Variants in FBXL3 observed in about 807,000 individuals in gnomAD.
The protein encoded by FBXL3 is F-box and leucine rich repeat protein 3.
In FBXL3, 14 loss-of-function variants were observed where a neutral mutation model predicts 37.9. The ratio of observed to expected loss-of-function variants is 0.37; its 90% CI spans 0.24 to 0.58. The LOEUF is 0.58. Among genes scored for constraint, FBXL3 ranks in the 20% least tolerant of loss-of-function variants. The probability of loss-of-function intolerance (pLI) is 0.74; values close to 1 mark genes in which losing one functional copy is unlikely to be tolerated. For synonymous variants in FBXL3, 194 were observed against 180.1 expected (o/e 1.08, Z -0.62); for missense variants, 327 against 511.1 (o/e 0.64, Z 3.47).
chr13:77,008,368 G>A (rs1009140467), intron 4 of FBXL3, among the ~76,000 whole-genome samples: 6 of 152,180 alleles, frequency 3.9e-5, no homozygotes, highest in African/African-American at 1.4e-4. Flanking sequence ...CACTAAGTAT[G>A]TCAAAAATAA....
At chr13:77,025,519 T>C (rs2034820811) in intron 1 of FBXL3, among the ~76,000 whole-genome samples, 1 of 152,012 alleles carries the variant, frequency 6.6e-6, no homozygotes, top group Non-Finnish European at 1.5e-5. Flanking sequence ...GCTCAGTAGT[T>C]TGAGACCAGC....
Position 77,021,783 on chromosome 13 carries a change from A to G in FBXL3, c.78T>C (p.Thr26=). 1 of 1,613,822 alleles carries G rather than the reference A, an allele frequency of 6.2e-7. No individual in the cohort carries two copies. The highest frequency in any genetic ancestry group is 8.5e-7 in the Non-Finnish European group (1 of 1,180,010). ...CACAAGTCTGAGAATGCTCATTTGT[A>G]GTCCTCAGTTTCTTGGATTTCTCTG... ...GTAEKSKKLR[T]TNEHSQTCDW... The change falls in exon 2 of 5, where the codon ACT becomes ACC. Residue 26 remains threonine (T), a synonymous_variant. Coordinates refer to ENST00000355619, the MANE Select transcript of FBXL3 (RefSeq NM_012158.4).
chr13:77,016,047 A>G (rs2034637236), intron 3 of FBXL3: 1 of 152,268 alleles, frequency 6.6e-6, no homozygotes, highest in Admixed American at 6.5e-5. Context: ...GACTCATTTG[A>G]GATATGAAAA....
At chr13:77,011,344 C>CAAAAAAAAAAA (rs34255078) in intron 4 of FBXL3, among the ~76,000 whole-genome samples, 1 of 74,936 alleles carries the variant, frequency 1.3e-5, no homozygotes, top group African/African-American at 5.0e-5. Flanking sequence ...ACTTTGTCTC[C>CAAAAAAAAAAA]AAAAAAAAAA....
intron 1 of FBXL3, among the ~76,000 whole-genome samples, chr13:77,023,655 G>C (rs2034787777): frequency 6.6e-6 from 1 of 152,176 alleles, no homozygotes; most frequent in African/African-American, 2.4e-5. Context: ...TGTTTCTAGA[G>C]AACAGTTCTG....
At chr13:77,017,399 T>C (rs2034663265) in intron 3 of FBXL3, 1 of 152,240 alleles carries the variant, frequency 6.6e-6, no homozygotes, top group African/African-American at 2.4e-5. Flanking sequence ...TCAGATTGTT[T>C]CATTTCCTAT....
At chr13:77,013,143 A>T (rs999070950) in intron 4 of FBXL3, 1 of 152,174 alleles carries the variant, frequency 6.6e-6, no homozygotes, top group African/African-American at 2.4e-5. Context: ...TATGAAACCA[A>T]CTTTGCAAAA....
Position 77,021,881 on chromosome 13 carries a change from A to C in FBXL3, c.-1-20T>G, listed in dbSNP as rs1261536621. On this transcript the variant is annotated intron_variant, in intron 1 of 4. Transcript: ENST00000355619. Reference sequence around the variant, plus strand: ...TTCATCCTATTCCGAAAAATGCATCAGTTTTTTTCCTACTCAACTTTTGAA... The same window carrying C: ...TTCATCCTATTCCGAAAAATGCATCCGTTTTTTTCCTACTCAACTTTTGAA... 6.4e-7 allele frequency: 1 copy of C among 1,555,592 alleles called. No individual in the cohort carries two copies. Among genetic ancestry groups the C allele is most frequent in the Admixed American group, 1.9e-5 (1 of 51,354 alleles).
intron 4 of FBXL3, 172 bp downstream of exon 4, chr13:77,015,237 C>T (rs2034623261): frequency 4.8e-6 from 2 of 413,140 alleles, no homozygotes; most frequent in Non-Finnish European, 8.4e-6. Flanking sequence ...AAGTCAGTGT[C>T]TAGGCTAGTA....
chr13:77,022,210 A>AC (rs2034757377), intron 1 of FBXL3, among the ~76,000 whole-genome samples: 1 of 152,204 alleles, frequency 6.6e-6, no homozygotes, highest in Admixed American at 6.5e-5. Flanking sequence ...ATAAAAGGGA[A>AC]CCTACAGCGA....
Position 77,006,869 on chromosome 13 carries a change from A to C in FBXL3, c.*276T>G, listed in dbSNP as rs867253318. 36 of 1,212,118 alleles carry C rather than the reference A, an allele frequency of 3.0e-5. No individual in the cohort carries two copies. The highest frequency in any genetic ancestry group is 3.7e-5 in the Non-Finnish European group (36 of 971,338). The allele number at this position is 1,212,118 out of a possible 1,614,324, so 75.1% of individuals were successfully genotyped here. A position where few individuals can be genotyped will look rare whatever the true frequency, so the allele number is the denominator to read the frequency against. On this transcript the variant is annotated 3_prime_UTR_variant, in exon 5 of 5. Transcript: ENST00000355619. The stretch of plus-strand genomic sequence containing the variant: ...AACATATAGGTTTTGTTTCCTTTAG[A>C]CTGTAAACTGTTTAATACGTATAAC...
chr13:77,018,621 T>G lies in FBXL3; in HGVS notation c.450A>C (p.Pro150=), dbSNP rs757354244. The G allele has an allele frequency of 1.3e-6, 2 of 1,592,802 alleles. No individual in the cohort carries two copies. The highest frequency in any genetic ancestry group is 4.5e-5 in the East Asian group (2 of 44,184). ...KTLGLISTAR[P]SFMDLPKSHF... The stretch of plus-strand genomic sequence containing the variant: ...ATACCTTTGGTAAATCCATAAAGCT[T>G]GGTCGAGCAGTTGAAATAAGTCCAA... The change falls in exon 3 of 5, where the codon CCA becomes CCC. Residue 150 remains proline, a synonymous_variant. Coordinates refer to ENST00000355619, the MANE Select transcript of FBXL3 (RefSeq NM_012158.4).
At position 77,012,186 on chromosome 13, in the gene FBXL3, C is replaced by G. The variant is rs139617218; in HGVS notation, c.643+3223G>C. Among the ~76,000 whole-genome samples, 74 of 152,178 alleles carry G rather than the reference C, an allele frequency of 4.9e-4. No homozygotes were observed. In the East Asian group the frequency reaches 0.013, roughly 27 times the overall value. The stretch of plus-strand genomic sequence containing the variant: ...TTCTAAAATTGTGGTGATGCATGCA[C>G]TACTCTACCAATACACTAAAAATCA... On this transcript the variant is annotated intron_variant, in intron 4 of 4. Coordinates refer to ENST00000355619, the MANE Select transcript of FBXL3 (RefSeq NM_012158.4).
Position 77,015,395 on chromosome 13 carries a change from A to G in FBXL3, c.643+14T>C. The G allele has an allele frequency of 6.6e-7, 1 of 1,503,994 alleles. No homozygotes were observed. The highest frequency in any genetic ancestry group is 8.9e-7 in the Non-Finnish European group (1 of 1,125,590). 93.2% of individuals were successfully genotyped at this position (1,503,994 alleles called of 1,614,324 possible). ...CATTTTACTAAAATGTGTCTAGCAA[A>G]AAACACAACATACCTGCTGGAGAGA... On this transcript the variant is annotated intron_variant, in intron 4 of 4. Coordinates refer to ENST00000355619, the MANE Select transcript of FBXL3 (RefSeq NM_012158.4).
At chr13:77,025,415 C>G (rs560834898) in intron 1 of FBXL3, among the ~76,000 whole-genome samples, 63 of 152,320 alleles carry the variant, frequency 4.1e-4, no homozygotes, top group African/African-American at 1.5e-3. Flanking sequence ...AGTTAGTGAA[C>G]TAACTCTATG....
At chr13:77,007,888 T>C in intron 4 of FBXL3, 100 bp from the exon 5 acceptor site, 4 of 926,668 alleles carry the variant, frequency 4.3e-6, no homozygotes, top group Non-Finnish European at 4.8e-6. Context: ...CACAGTTCCC[T>C]TACCACAAAA....
At chr13:77,018,546 T>G (rs2034685145) in intron 3 of FBXL3, 54 bp downstream of exon 3, 9 of 1,433,464 alleles carry the variant, frequency 6.3e-6, no homozygotes, top group Non-Finnish European at 8.3e-6. Flanking sequence ...AAAAAAAGAT[T>G]AGACTTTCAC....
At chr13:77,012,088 G>T (rs184815734) in intron 4 of FBXL3, among the ~76,000 whole-genome samples, 1 of 152,208 alleles carries the variant, frequency 6.6e-6, no homozygotes, top group Non-Finnish European at 1.5e-5. Context: ...TGGTTGTTGA[G>T]GGATGGCTGG....
intron 4 of FBXL3, among the ~76,000 whole-genome samples, 187 bp from the exon 5 acceptor site, chr13:77,007,975 A>G (rs1232955753): frequency 6.6e-6 from 1 of 152,234 alleles, no homozygotes; most frequent in African/African-American, 2.4e-5. Flanking sequence ...AATTTTGTCT[A>G]CAAGAAAATG....
Sources: gnomAD v4.1 joint callset for allele counts (sites outside exome capture counted in the v4.1 genomes callset) on GRCh38, gnomAD v4.1.1 for gene constraint, MANE v1.5 for transcripts, NCBI Gene and HGNC (gene_info 2026-07-23, HGNC 2026-07-21) for gene names.